The following CATSPERE variants were observed in gnomAD, a reference collection of about 807,000 sequenced individuals.
CATSPERE encodes the protein catsper channel auxiliary subunit epsilon, also known as cation channel sperm-associated auxiliary subunit epsilon.
A neutral mutation model predicts 114.1 loss-of-function variants in CATSPERE; 93 were observed. The ratio of observed to expected loss-of-function variants is 0.81; its 90% CI spans 0.69 to 0.97. The LOEUF is 0.97. CATSPERE is among the 50% of genes least tolerant of loss of function. The pLI is 0.00. For synonymous variants in CATSPERE, 341 were observed against 384.1 expected, an observed-to-expected ratio of 0.89 and a Z score of 1.31; for missense variants, 1,058 against 1,131.6, an observed-to-expected ratio of 0.93 and a Z score of 0.93.
chr1:244,511,664 G>A (rs1675782917), intron 7 of CATSPERE, among the ~76,000 whole-genome samples: 2 of 152,022 alleles, frequency 1.3e-5, no homozygotes, highest in African/African-American at 4.8e-5. Context: ...GCTTTTGTGT[G>A]TTTTCATTAT....
upstream of CATSPERE, among the ~76,000 whole-genome samples, chr1:244,457,234 C>G (rs545548444): frequency 2.5e-3 from 374 of 152,202 alleles, 1 homozygote; most frequent in African/African-American, 8.6e-3. Flanking sequence ...AAAATCTGGG[C>G]CCCTGTGTCC....
chr1:244,623,237 C>G (rs1672641151), intron 20 of CATSPERE, among the ~76,000 whole-genome samples: 1 of 151,988 alleles, frequency 6.6e-6, no homozygotes, highest in African/African-American at 2.4e-5. Flanking sequence ...GCCACCACAC[C>G]TGGCTAATTT....
chr1:244,564,793 G>A (rs1663167871), intron 10 of CATSPERE, among the ~76,000 whole-genome samples: 2 of 152,178 alleles, frequency 1.3e-5, no homozygotes, highest in Non-Finnish European at 2.9e-5. Context: ...TGTTGAATAG[G>A]AGTGGTGAGA....
intron 8 of CATSPERE, among the ~76,000 whole-genome samples, chr1:244,538,073 A>G (rs913348774): frequency 5.0e-4 from 76 of 152,228 alleles, no homozygotes; most frequent in African/African-American, 1.8e-3. Flanking sequence ...CAGTAATCCC[A>G]ACACTTTGGG....
intron 6 of CATSPERE, among the ~76,000 whole-genome samples, chr1:244,498,218 A>G (rs1347598062): frequency 2.6e-5 from 4 of 152,258 alleles, no homozygotes; most frequent in African/African-American, 4.8e-5. Context: ...GATCTCTAAA[A>G]TAACTTTAGA....
intron 20 of CATSPERE, among the ~76,000 whole-genome samples, chr1:244,634,442 T>C (rs1674362494): frequency 6.6e-6 from 1 of 152,346 alleles, no homozygotes; most frequent in Non-Finnish European, 1.5e-5. Context: ...AAAAATAAGT[T>C]CCTTTCTTCT....
chr1:244,543,675 A>T (rs1289272853), intron 8 of CATSPERE, among the ~76,000 whole-genome samples: 1 of 148,786 alleles, frequency 6.7e-6, no homozygotes, highest in East Asian at 1.9e-4. Flanking sequence ...AAATAAAAAT[A>T]AAATAGTAAT....
intron 13 of CATSPERE, among the ~76,000 whole-genome samples, chr1:244,586,989 T>G (rs555093641): frequency 6.6e-6 from 1 of 152,346 alleles, no homozygotes; most frequent in Admixed American, 6.5e-5. Flanking sequence ...AAGCCTTCCT[T>G]TAATATCTGT....
At chr1:244,480,791 C>T (rs781616727) in intron 5 of CATSPERE, among the ~76,000 whole-genome samples, 7 of 152,130 alleles carry the variant, frequency 4.6e-5, no homozygotes, top group Middle Eastern at 3.2e-3. Flanking sequence ...ACACATTAAC[C>T]CAGTCCTCTC....
At chr1:244,585,118 C>A (rs1333768975) in intron 13 of CATSPERE, among the ~76,000 whole-genome samples, 1 of 152,140 alleles carries the variant, frequency 6.6e-6, no homozygotes, top group Non-Finnish European at 1.5e-5. Flanking sequence ...CAAGGCATTA[C>A]AAAATCAGGT....
chr1:244,547,329 G>T (rs546558069), intron 8 of CATSPERE, among the ~76,000 whole-genome samples: 1 of 152,082 alleles, frequency 6.6e-6, no homozygotes, highest in Non-Finnish European at 1.5e-5. Flanking sequence ...ACTAAAAGGA[G>T]TGCATTGAGC....
rs61456881 is a variant in CATSPERE, at chr1:244,610,673, A to G, written c.2490+347A>G. ...GTCTTTACTGAAAAATCAAGTTGTCAATGAGGACTTCCCTGGCCACCATAT... is the reference window on the plus strand; with the variant it reads ...GTCTTTACTGAAAAATCAAGTTGTCGATGAGGACTTCCCTGGCCACCATAT... On this transcript the variant is annotated intron_variant, in intron 19 of 21. Transcript: ENST00000366534. 5.2e-3 allele frequency: 1,346 copies of G among 259,982 alleles called. 23 individuals are homozygous for G. The highest frequency in any genetic ancestry group is 0.028 in the African/African-American group (1,275 of 44,950). The allele number at this position is 259,982 out of a possible 1,614,324, so 16.1% of individuals were successfully genotyped here.
chr1:244,582,117 G>C (rs553968520), intron 12 of CATSPERE, among the ~76,000 whole-genome samples: 1 of 152,276 alleles, frequency 6.6e-6, no homozygotes, highest in East Asian at 1.9e-4. Context: ...TTTCTTAGTT[G>C]AATAATTTTC....
At chr1:244,517,836 T>C (rs781053394) in intron 7 of CATSPERE, among the ~76,000 whole-genome samples, 1 of 151,546 alleles carries the variant, frequency 6.6e-6, no homozygotes, top group African/African-American at 2.4e-5. Flanking sequence ...CCATTATTCC[T>C]ACTTCCCACA....
chr1:244,600,236 A>G (rs1163327024), intron 17 of CATSPERE, among the ~76,000 whole-genome samples: 2 of 152,140 alleles, frequency 1.3e-5, no homozygotes, highest in Admixed American at 1.3e-4. Flanking sequence ...CAGCCTACCT[A>G]TGCGATCCAG....
upstream of CATSPERE, chr1:244,451,941 GC>G (rs1665636758): frequency 9.9e-7 from 1 of 1,008,888 alleles, no homozygotes; most frequent in Non-Finnish European, 1.4e-6. The surrounding 1 kb of genome is among the most constrained non-coding windows in gnomAD (Gnocchi z 6.6). Context: ...CCCCGCCCCC[GC>G]CCCGCCGGGC....
intron 19 of CATSPERE, among the ~76,000 whole-genome samples, chr1:244,612,430 A>G (rs77546978): frequency 2.1e-5 from 3 of 142,920 alleles, no homozygotes; most frequent in Non-Finnish European, 4.7e-5. Context: ...AAGCTCTGGG[A>G]CTGTAAATTC....
intron 8 of CATSPERE, among the ~76,000 whole-genome samples, chr1:244,520,710 T>G (rs1373290457): frequency 1.3e-5 from 2 of 152,082 alleles, no homozygotes; most frequent in African/African-American, 4.8e-5. Flanking sequence ...AATTTGTCCG[T>G]ACATATCCCT....
At chr1:244,534,276 C>T (rs958759682) in intron 8 of CATSPERE, among the ~76,000 whole-genome samples, 1 of 152,044 alleles carries the variant, frequency 6.6e-6, no homozygotes, top group East Asian at 1.9e-4. Flanking sequence ...TGTTCTGTAA[C>T]CTTCTTGTAC....
Sources: allele counts gnomAD v4.1 joint callset (sites outside exome capture counted in the v4.1 genomes callset), GRCh38; gene constraint gnomAD v4.1.1; non-coding constraint Gnocchi (gnomAD v3.1); transcripts MANE v1.5; gene names NCBI Gene and HGNC (gene_info 2026-07-23, HGNC 2026-07-21).